Variants in CGNL1 observed in about 807,000 individuals in gnomAD.
CGNL1 encodes the protein cingulin like 1, also known as cingulin-like protein 1.
Under a neutral mutation model 141.2 loss-of-function variants are expected in CGNL1, and 132 were observed. The ratio of observed to expected loss-of-function variants is 0.93; its 90% confidence interval spans 0.81 to 1.08. CGNL1 has a LOEUF of 1.08. CGNL1 is among the 50% of genes least tolerant of loss of function. CGNL1 has a pLI of 0.00. For missense variants in CGNL1, 1,870 were observed against 1,588.6 expected, an observed-to-expected ratio of 1.18 and a Z score of -3.01; for synonymous variants, 690 against 622.1, an observed-to-expected ratio of 1.11 and a Z score of -1.63.
chr15:57,475,453 G>A (rs1288714551), intron 8 of CGNL1, among the ~76,000 whole-genome samples: 2 of 151,864 alleles, frequency 1.3e-5, no homozygotes, highest in African/African-American at 2.4e-5. Flanking sequence ...TGTCAATCAT[G>A]TCACTCTGAG....
chr15:57,522,735 G>C (rs1384143159), intron 10 of CGNL1, among the ~76,000 whole-genome samples: 1 of 152,230 alleles, frequency 6.6e-6, no homozygotes, highest in Non-Finnish European at 1.5e-5. Context: ...GTGACTTTGT[G>C]AGATGAGAGC....
intron 11 of CGNL1, among the ~76,000 whole-genome samples, chr15:57,524,087 T>G (rs2140138826): frequency 6.6e-6 from 1 of 152,306 alleles, no homozygotes. Context: ...CTGGCAGGCT[T>G]TCTGTATTCT....
intron 4 of CGNL1, among the ~76,000 whole-genome samples, chr15:57,443,895 T>C (rs1306894098): frequency 6.6e-6 from 1 of 152,240 alleles, no homozygotes; most frequent in East Asian, 1.9e-4. Context: ...ACAGGGGCTT[T>C]GGGTATAACT....
intron 18 of CGNL1, among the ~76,000 whole-genome samples, chr15:57,547,126 T>TA (rs1231581767): frequency 1.3e-5 from 2 of 152,228 alleles, no homozygotes; most frequent in Non-Finnish European, 2.9e-5. Flanking sequence ...ACTGATCCTA[T>TA]CCCAGCCTGG....
intron 1 of CGNL1, among the ~76,000 whole-genome samples, chr15:57,386,213 A>G (rs1177585877): frequency 6.6e-6 from 1 of 152,126 alleles, no homozygotes; most frequent in African/African-American, 2.4e-5. Flanking sequence ...GGGTGGTTAA[A>G]CCCATTCCCT....
rs867394037 is a variant in CGNL1 at position 57,439,356 on chromosome 15, G to C, written c.1357G>C (p.Gly453Arg). ...TFAKLQGAAHGASCAHSRPPQ... is the reference protein window; with the variant it reads ...TFAKLQGAAHRASCAHSRPPQ... The stretch of plus-strand genomic sequence containing the variant: ...TGCAAAGCTGCAGGGAGCAGCGCAC[G>C]GGGCTTCATGTGCCCACTCCAGGCC... The change falls in exon 2 of 19, where the codon GGG (glycine) becomes CGG (arginine). Residue 453 changes from glycine to arginine, a missense_variant. Gly to Arg is a moderately radical substitution (Grantham distance 125). Coordinates refer to ENST00000281282, the MANE Select transcript of CGNL1 (RefSeq NM_032866.5). 1 of 1,614,104 alleles carries C rather than the reference G, an allele frequency of 6.2e-7. No individual in the cohort carries two copies.
rs1427673600 is a variant in CGNL1, at chr15:57,453,696, A to G, written c.2068A>G (p.Lys690Glu). 1.2e-6 allele frequency: 2 copies of G among 1,613,752 alleles called. No homozygotes were observed. The highest frequency in any genetic ancestry group is 1.7e-6 in the Non-Finnish European group (2 of 1,179,910). Residue 690 changes from lysine (K) to glutamate (E), a missense_variant, in exon 7 of 19, where the codon AAG becomes GAG. Physicochemically the swap from Lys to Glu is moderately conservative, Grantham distance 56 (BLOSUM62 1). Transcript: ENST00000281282. ...RKNLEELFQV[K>E]MEREQHQTEI... ...CTTCCCTGCCAGGCTATTCCAGGTG[A>G]AGATGGAACGGGAGCAGCATCAGAC...
intron 14 of CGNL1, among the ~76,000 whole-genome samples, chr15:57,539,544 C>A (rs907963748): frequency 2.6e-5 from 4 of 152,206 alleles, no homozygotes; most frequent in Admixed American, 6.5e-5. Flanking sequence ...CTGTCTTAGT[C>A]GCTGCTGGAT....
rs151050069 is a variant in CGNL1, at chr15:57,439,352, G to T, written c.1353G>T (p.Ala451=). The T allele has an allele frequency of 7.5e-4, 1,211 of 1,614,110 alleles. 1 individual carries two copies. The highest frequency in any genetic ancestry group is 8.7e-4 in the Non-Finnish European group (1,028 of 1,180,038). The change falls in exon 2 of 19, where the codon GCG becomes GCT. Residue 451 remains alanine (A), a synonymous_variant. Coordinates refer to ENST00000281282, the MANE Select transcript of CGNL1 (RefSeq NM_032866.5). Reference sequence around the variant, plus strand: ...CCTTTGCAAAGCTGCAGGGAGCAGCGCACGGGGCTTCATGTGCCCACTCCA... The same window carrying T: ...CCTTTGCAAAGCTGCAGGGAGCAGCTCACGGGGCTTCATGTGCCCACTCCA... ...GRTFAKLQGA[A]HGASCAHSRP...
intron 14 of CGNL1, among the ~76,000 whole-genome samples, chr15:57,536,160 T>C (rs893499223): frequency 6.6e-6 from 1 of 152,182 alleles, no homozygotes; most frequent in African/African-American, 2.4e-5. Flanking sequence ...GGAACTGCCC[T>C]TTATAAAACC....
At chr15:57,461,598 G>A (rs888478322) in intron 7 of CGNL1, 82 bp from the exon 8 acceptor site, 2 of 1,152,840 alleles carry the variant, frequency 1.7e-6, no homozygotes, top group Admixed American at 1.7e-5. Flanking sequence ...GTGCACATGG[G>A]GACTGAACTG....
At chr15:57,511,796 C>T (rs1261609241) in intron 8 of CGNL1, among the ~76,000 whole-genome samples, 1 of 152,184 alleles carries the variant, frequency 6.6e-6, no homozygotes, top group Non-Finnish European at 1.5e-5. Flanking sequence ...GCAGAGGAAT[C>T]GACTACCTGT....
At chr15:57,489,974 G>T (rs1457913369) in intron 8 of CGNL1, among the ~76,000 whole-genome samples, 2 of 152,154 alleles carry the variant, frequency 1.3e-5, no homozygotes, top group Non-Finnish European at 2.9e-5. Context: ...GATGTCTGGA[G>T]GTTGGGGAAG....
intron 8 of CGNL1, among the ~76,000 whole-genome samples, chr15:57,480,836 C>T (rs971389978): frequency 6.6e-6 from 1 of 152,176 alleles, no homozygotes; most frequent in Non-Finnish European, 1.5e-5. Context: ...GGGCATTACT[C>T]AGTGGATCTG....
intron 1 of CGNL1, among the ~76,000 whole-genome samples, chr15:57,396,303 T>C (rs2062601983): frequency 6.7e-6 from 1 of 148,918 alleles, no homozygotes; most frequent in Non-Finnish European, 1.5e-5. Context: ...TTGGAAACAG[T>C]CTCCTCTGTT....
intron 8 of CGNL1, among the ~76,000 whole-genome samples, chr15:57,486,667 G>A (rs2063789546): frequency 2.0e-5 from 3 of 152,194 alleles, no homozygotes; most frequent in Admixed American, 2.0e-4. Flanking sequence ...CATTGAGAAG[G>A]AACAGAGGAG....
In CGNL1 at chr15:57,491,185, G is replaced by A. The variant is rs529645121; in HGVS notation, c.2404-25595G>A. 7.9e-5 allele frequency among the ~76,000 whole-genome samples: 12 copies of A among 152,338 alleles called. No homozygotes were observed. The South Asian group carries it at 8.3e-4, about 11-fold the overall frequency. ...TCATTATGACACATGTACCATGTTC[G>A]TGTAAGATGCAGTAACAGGGGAAGC... On this transcript the variant is annotated intron_variant, in intron 8 of 18. Coordinates refer to ENST00000281282, the MANE Select transcript of CGNL1 (RefSeq NM_032866.5).
chr15:57,438,167 C>G lies in CGNL1; in HGVS notation c.168C>G (p.Val56=), dbSNP rs747163175. 6.2e-7 allele frequency: 1 copy of G among 1,614,184 alleles called. No homozygotes were observed. Among genetic ancestry groups the G allele is most frequent in the South Asian group, 1.1e-5 (1 of 91,086 alleles). Residue 56 remains valine (V), a synonymous_variant, in exon 2 of 19, where the codon GTC becomes GTG. Coordinates refer to ENST00000281282, the MANE Select transcript of CGNL1 (RefSeq NM_032866.5). ...GAATTGATGGTCACCCCTATATTGT[C>G]CTGAATAACACAGAACGGTGCCTAG... The part of the protein sequence containing the change: ...VQGIDGHPYI[V]LNNTERCLAG...
intron 8 of CGNL1, among the ~76,000 whole-genome samples, chr15:57,497,825 C>T (rs1283088767): frequency 6.6e-6 from 1 of 152,208 alleles, no homozygotes; most frequent in Non-Finnish European, 1.5e-5. Flanking sequence ...AGGAGTCCTG[C>T]AGGGAAGAAG....
Sources: allele counts gnomAD v4.1 joint callset (sites outside exome capture counted in the v4.1 genomes callset), GRCh38; gene constraint gnomAD v4.1.1; transcripts MANE v1.5; gene names NCBI Gene and HGNC (gene_info 2026-07-23, HGNC 2026-07-21).